Variants in AKAP6 observed in about 807,000 individuals in gnomAD.
AKAP6 encodes A-kinase anchoring protein 6.
AKAP6 carries 58 observed loss-of-function variants against 188.5 expected under a neutral mutation model. That is an observed-to-expected ratio of 0.31 (90% CI 0.25 to 0.38). The LOEUF (loss-of-function observed/expected upper bound fraction) is 0.38, where lower values mean the gene tolerates loss of function less well. AKAP6 is among the 10% of genes least tolerant of loss of function. The probability of loss-of-function intolerance (pLI) is 1.00; values close to 1 mark genes in which losing one functional copy is unlikely to be tolerated. For missense variants in AKAP6, 2,710 were observed against 2,740.0 expected, an observed-to-expected ratio of 0.99 and a Z score of 0.24; for synonymous variants, 989 against 998.6, an observed-to-expected ratio of 0.99 and a Z score of 0.18.
At chr14:32,418,879 A>C (rs1566492511) in intron 1 of AKAP6, among the ~76,000 whole-genome samples, 2 of 152,180 alleles carry the variant, frequency 1.3e-5, no homozygotes, top group South Asian at 2.1e-4. Context: ...CAGAACAAAA[A>C]TATTTATAAG....
At chr14:32,656,178 G>T (rs911097027) in intron 7 of AKAP6, among the ~76,000 whole-genome samples, 2 of 151,996 alleles carry the variant, frequency 1.3e-5, no homozygotes, top group Admixed American at 1.3e-4. Context: ...AATATTTATA[G>T]CGTGTATGAC....
intron 10 of AKAP6, chr14:32,734,503 G>A (rs546470343): frequency 1.2e-4 from 19 of 152,144 alleles, no homozygotes; most frequent in Middle Eastern, 3.4e-3. Context: ...GTCCTCTGTC[G>A]TATATTTATG....
At chr14:32,590,962 C>A (rs1405644857) in intron 5 of AKAP6, among the ~76,000 whole-genome samples, 1 of 152,132 alleles carries the variant, frequency 6.6e-6, no homozygotes, top group African/African-American at 2.4e-5. Flanking sequence ...AATAGATCTG[C>A]CCCAGGCTGC....
At chr14:32,687,182 G>A (rs964651725) in intron 8 of AKAP6, among the ~76,000 whole-genome samples, 1 of 152,124 alleles carries the variant, frequency 6.6e-6, no homozygotes, top group Admixed American at 6.5e-5. Context: ...CCAAAGAGAA[G>A]TGATATTGAC....
chr14:32,637,141 G>A (rs903193304), intron 7 of AKAP6, among the ~76,000 whole-genome samples: 1 of 152,052 alleles, frequency 6.6e-6, no homozygotes, highest in Non-Finnish European at 1.5e-5. Context: ...TGTGTTGGAA[G>A]GATTAAATGT....
At chr14:32,519,167 C>A (rs1566551633) in intron 2 of AKAP6, among the ~76,000 whole-genome samples, 1 of 152,170 alleles carries the variant, frequency 6.6e-6, no homozygotes, top group Non-Finnish European at 1.5e-5. Context: ...CACCACCAGG[C>A]CTGCCTTACA....
intron 2 of AKAP6, among the ~76,000 whole-genome samples, chr14:32,520,959 G>A (rs142228617): frequency 0.012 from 1,752 of 152,164 alleles, 46 homozygotes; most frequent in African/African-American, 0.039. Context: ...CTGGCAAACC[G>A]AATCCAGCAG....
intron 1 of AKAP6, among the ~76,000 whole-genome samples, chr14:32,432,064 CT>C (rs927642841): frequency 5.3e-5 from 8 of 150,776 alleles, no homozygotes; most frequent in African/African-American, 1.5e-4. Flanking sequence ...TTTTGCTTTT[CT>C]TTTTTTTTGC....
At chr14:32,772,419 T>C (rs758419179) in intron 11 of AKAP6, among the ~76,000 whole-genome samples, 5 of 152,218 alleles carry the variant, frequency 3.3e-5, no homozygotes, top group Non-Finnish European at 7.3e-5. Flanking sequence ...TTGCCATAAA[T>C]AGAGGTTTGG....
chr14:32,827,763 G>A (rs867091425), intron 13 of AKAP6, among the ~76,000 whole-genome samples: 52 of 152,252 alleles, frequency 3.4e-4, no homozygotes, highest in African/African-American at 1.1e-3. Context: ...TGTACTTTGC[G>A]CTAATCTTTT....
At chr14:32,342,256 T>TTAGCACA (rs1252935190) in intron 1 of AKAP6, among the ~76,000 whole-genome samples, 5 of 152,220 alleles carry the variant, frequency 3.3e-5, no homozygotes, top group African/African-American at 1.2e-4. Context: ...CCACAGGCAC[T>TTAGCACA]TTTCACTTAG....
At chr14:32,566,012 G>A (rs1225874395) in intron 4 of AKAP6, among the ~76,000 whole-genome samples, 4 of 152,148 alleles carry the variant, frequency 2.6e-5, no homozygotes, top group African/African-American at 9.7e-5. Context: ...TGAGCACTTG[G>A]GATGATCTAC....
chr14:32,594,002 G>A lies in AKAP6; in HGVS notation c.2470-5408G>A, dbSNP rs114952361. Among the ~76,000 whole-genome samples the A allele has an allele frequency of 5.0e-3, 766 of 152,238 alleles. 3 individuals carry two copies. The highest frequency in any genetic ancestry group is 0.018 in the African/African-American group (737 of 41,536). On this transcript the variant is annotated intron_variant, in intron 5 of 13. Transcript: ENST00000280979. ...AATGTCACAAAGTACCATCTATTAC[G>A]TAGACTATTTGGAAAATAGAGAAAA...
chr14:32,336,301 G>A (rs1186025549), intron 1 of AKAP6, among the ~76,000 whole-genome samples: 2 of 151,890 alleles, frequency 1.3e-5, no homozygotes, highest in Non-Finnish European at 2.9e-5. Flanking sequence ...CCTAAGAATA[G>A]AGTCTTCTTC....
chr14:32,564,058 G>A (rs1191868911), intron 4 of AKAP6, among the ~76,000 whole-genome samples: 1 of 152,058 alleles, frequency 6.6e-6, no homozygotes, highest in Non-Finnish European at 1.5e-5. Context: ...TATAGTATTT[G>A]CATATAACCT....
At chr14:32,422,705 G>A (rs1889890902) in intron 1 of AKAP6, among the ~76,000 whole-genome samples, 1 of 152,096 alleles carries the variant, frequency 6.6e-6, no homozygotes, top group South Asian at 2.1e-4. Context: ...CACCTTATTA[G>A]CATACACTTA....
intron 1 of AKAP6, among the ~76,000 whole-genome samples, chr14:32,421,530 TATAA>T: frequency 6.6e-6 from 1 of 152,282 alleles, no homozygotes; most frequent in South Asian, 2.1e-4. Flanking sequence ...ATTTTATGGA[TATAA>T]TATCTTATCT....
chr14:32,347,177 G>A (rs2138431797), intron 1 of AKAP6, among the ~76,000 whole-genome samples: 1 of 152,288 alleles, frequency 6.6e-6, no homozygotes, highest in Admixed American at 6.5e-5. Context: ...TAAATCAATG[G>A]TTGGAGACAA....
chr14:32,753,234 G>T (rs1394136776), intron 11 of AKAP6, among the ~76,000 whole-genome samples: 1 of 151,920 alleles, frequency 6.6e-6, no homozygotes, highest in African/African-American at 2.4e-5. Context: ...TTTGATAATA[G>T]CCATTCTAAC....
Sources: allele counts gnomAD v4.1 joint callset (sites outside exome capture counted in the v4.1 genomes callset), GRCh38; gene constraint gnomAD v4.1.1; transcripts MANE v1.5; gene names NCBI Gene and HGNC (gene_info 2026-07-23, HGNC 2026-07-21).